RHOBTB1: variants seen among roughly 807,000 people sequenced by gnomAD.
The protein encoded by RHOBTB1 is rho-related BTB domain-containing protein 1.
RHOBTB1 carries 40 observed loss-of-function variants against 71.6 expected under a neutral mutation model. The observed-to-expected ratio is 0.56, with a 90% CI of 0.43 to 0.73. The LOEUF (loss-of-function observed/expected upper bound fraction) is 0.73, where lower values mean the gene tolerates loss of function less well. Ranked by LOEUF, RHOBTB1 falls within the 30% of genes least tolerant of loss-of-function variation. RHOBTB1 has a pLI of 0.00. For missense variants in RHOBTB1, 797 were observed against 894.0 expected (o/e 0.89, Z 1.38); for synonymous variants, 319 against 334.9 (o/e 0.95, Z 0.52).
chr10:60,921,274 A>G (rs1320780329), intron 2 of RHOBTB1, among the ~76,000 whole-genome samples: 1 of 152,136 alleles, frequency 6.6e-6, no homozygotes, highest in Non-Finnish European at 1.5e-5. Flanking sequence ...AGGAATCCCC[A>G]ATATCACTGA....
At chr10:60,933,549 G>A (rs2084381899) in intron 2 of RHOBTB1, among the ~76,000 whole-genome samples, 1 of 152,086 alleles carries the variant, frequency 6.6e-6, no homozygotes, top group Non-Finnish European at 1.5e-5. Context: ...GTGAAACTTA[G>A]TCTCTACTAA....
intron 2 of RHOBTB1, among the ~76,000 whole-genome samples, chr10:60,921,375 G>C (rs539961141): frequency 6.6e-6 from 1 of 152,332 alleles, no homozygotes; most frequent in South Asian, 2.1e-4. Context: ...AGGAGAGAAA[G>C]GATGGTGCCT....
rs1264865469 is a variant in RHOBTB1 at position 60,869,791 on chromosome 10, T to C, written c.*1691A>G. The C allele has an allele frequency of 6.6e-6, 1 of 152,594 alleles. No homozygotes were observed. Among genetic ancestry groups the C allele is most frequent in the African/African-American group, 2.4e-5 (1 of 41,438 alleles). The allele number at this position is 152,594 out of a possible 1,614,324, so 9.5% of individuals were successfully genotyped here. On this transcript the variant is annotated 3_prime_UTR_variant, in exon 11 of 11. Coordinates refer to ENST00000337910, the MANE Select transcript of RHOBTB1 (RefSeq NM_014836.5). ...ACAAGCCTATTGAAAATAATTAAGA[T>C]GGATGCATTTGTAACTATCCCTACT... is the stretch of plus-strand genomic sequence containing the variant.
rs768212439 is a variant in RHOBTB1, at chr10:60,872,229, C to T, written c.1877G>A (p.Ser626Asn). ...TTCCTTACGGAACTTGGAGCATACA[C>T]TGTTGTAGTTGGTGCAGATGTGGTG... ...CLHHICTNYN[S>N]VCSKFRKEIK... Residue 626 changes from serine (S) to asparagine (N), a missense_variant, in exon 10 of 11, where the codon AGT becomes AAT. Ser to Asn is a conservative substitution (Grantham distance 46, BLOSUM62 1). Coordinates refer to ENST00000337910, the MANE Select transcript of RHOBTB1 (RefSeq NM_014836.5). 3 of 1,614,118 alleles carry T rather than the reference C, an allele frequency of 1.9e-6. No individual in the cohort carries two copies. The highest frequency in any genetic ancestry group is 3.3e-5 in the Admixed American group (2 of 60,022).
intron 2 of RHOBTB1, among the ~76,000 whole-genome samples, chr10:60,972,265 T>G (rs927374045): frequency 4.6e-5 from 7 of 152,140 alleles, no homozygotes; most frequent in Admixed American, 4.6e-4. Context: ...CTATTCACAA[T>G]AGCAAAGACT....
downstream of RHOBTB1, among the ~76,000 whole-genome samples, chr10:60,865,695 G>A (rs1368624263): frequency 6.6e-6 from 1 of 152,186 alleles, no homozygotes; most frequent in Non-Finnish European, 1.5e-5. Flanking sequence ...CTGGCCCATA[G>A]CCTTTCAGAT....
intron 2 of RHOBTB1, among the ~76,000 whole-genome samples, chr10:60,928,514 C>T (rs1419277921): frequency 6.6e-6 from 1 of 151,378 alleles, no homozygotes; most frequent in African/African-American, 2.4e-5. Context: ...TAAAATAAAC[C>T]AGGCACTAAA....
intron 1 of RHOBTB1, among the ~76,000 whole-genome samples, chr10:60,988,142 G>A (rs747074951): frequency 9.9e-5 from 15 of 151,198 alleles, no homozygotes; most frequent in Non-Finnish European, 1.8e-4. Context: ...CACTGTGTTA[G>A]CCAGGATGGT....
At chr10:60,866,738 C>A (rs2080636764), downstream of RHOBTB1, among the ~76,000 whole-genome samples, 1 of 151,996 alleles carries the variant, frequency 6.6e-6, no homozygotes, top group Non-Finnish European at 1.5e-5. Context: ...AAAGGGTCAC[C>A]CTTTCTTCTT....
At chr10:60,889,450 T>C (rs1009331564) in intron 5 of RHOBTB1, among the ~76,000 whole-genome samples, 1 of 152,254 alleles carries the variant, frequency 6.6e-6, no homozygotes, top group Non-Finnish European at 1.5e-5. Flanking sequence ...TTTATGTTAT[T>C]ATAAATGGCA....
chr10:60,864,496 T>C (rs897131426), downstream of RHOBTB1, among the ~76,000 whole-genome samples: 9 of 152,250 alleles, frequency 5.9e-5, no homozygotes, highest in Admixed American at 5.2e-4. Flanking sequence ...TTAACATGCC[T>C]GAGACCTTGC....
intron 1 of RHOBTB1, among the ~76,000 whole-genome samples, chr10:60,997,590 A>T (rs1213810160): frequency 6.6e-6 from 1 of 152,222 alleles, no homozygotes; most frequent in Non-Finnish European, 1.5e-5. Context: ...ATGTATCTTT[A>T]ATCTATCACA....
At position 60,910,971 on chromosome 10, in the gene RHOBTB1, T is replaced by TCCCGAGAA; in HGVS notation, c.204_211dup (p.Asp71ValfsTer9). On this transcript the variant is annotated frameshift_variant, in exon 4 of 11. Transcript: ENST00000337910. LOFTEE classifies it high-confidence loss of function. ...AGAAACACTCACTTCATCAACAACATCCCGAGAACGCTCCAAGACCTGCAG... is the reference window on the plus strand; with the variant it reads ...AGAAACACTCACTTCATCAACAACATCCCGAGAACCCGAGAACGCTCCAAGACCTGCAG... The TCCCGAGAA allele has an allele frequency of 6.2e-7, 1 of 1,613,838 alleles. No individual in the cohort carries two copies. The highest frequency in any genetic ancestry group is 8.5e-7 in the Non-Finnish European group (1 of 1,179,922).
intron 1 of RHOBTB1, among the ~76,000 whole-genome samples, chr10:60,995,093 G>T (rs938808774): frequency 6.6e-6 from 1 of 151,780 alleles, no homozygotes; most frequent in Non-Finnish European, 1.5e-5. Flanking sequence ...ATCATAAATA[G>T]CTCCCACATT....
intron 2 of RHOBTB1, among the ~76,000 whole-genome samples, chr10:60,940,721 C>T (rs1328366798): frequency 6.6e-6 from 1 of 152,126 alleles, no homozygotes; most frequent in African/African-American, 2.4e-5. Flanking sequence ...TCTGTCCTTT[C>T]CCAAACTCTC....
intron 6 of RHOBTB1, 130 bp from the exon 7 acceptor site, chr10:60,886,360 A>G (rs1212881345): frequency 3.1e-6 from 2 of 644,342 alleles, no homozygotes; most frequent in Non-Finnish European, 5.5e-6. Flanking sequence ...TACTGATTTT[A>G]TGTCAATCCC....
chr10:60,941,727 T>A (rs1467729699), intron 2 of RHOBTB1, 77 bp downstream of exon 2: 1 of 152,494 alleles, frequency 6.6e-6, no homozygotes, highest in Non-Finnish European at 1.5e-5. Context: ...TTAAGAAACC[T>A]GTTCTGAAAT....
intron 1 of RHOBTB1, among the ~76,000 whole-genome samples, chr10:60,997,413 G>C (rs2087096247): frequency 6.6e-6 from 1 of 152,104 alleles, no homozygotes; most frequent in South Asian, 2.1e-4. Context: ...ATTTTAAAAA[G>C]CCTTCCAGAT....
Position 60,892,968 on chromosome 10 carries a change from C to A in RHOBTB1, c.324G>T (p.Ser108=), listed in dbSNP as rs1057400182. The change falls in exon 5 of 11, where the codon TCG becomes TCT. Residue 108 remains serine (S), a synonymous_variant. Transcript: ENST00000337910. ...GATTTAGGGAATTGGGATTAGCAAT[C>A]GAAAAACAGAGGACCACAACATCAG... The part of the protein sequence containing the change: ...GRSDVVVLCF[S]IANPNSLNHV... 8 of 1,612,678 alleles carry A rather than the reference C, an allele frequency of 5.0e-6. No individual in the cohort carries two copies. The highest frequency in any genetic ancestry group is 1.1e-5 in the South Asian group (1 of 90,776).
Sources: allele counts gnomAD v4.1 joint callset (sites outside exome capture counted in the v4.1 genomes callset), GRCh38; gene constraint gnomAD v4.1.1; transcripts MANE v1.5; gene names NCBI Gene and HGNC (gene_info 2026-07-23, HGNC 2026-07-21).